Variants in MN1 observed in about 807,000 individuals in gnomAD.
The protein encoded by MN1 is MN1 proto-oncogene, transcriptional regulator, also known as transcriptional activator MN1.
MN1 carries 19 observed loss-of-function variants against 86.9 expected under a neutral mutation model. That is an observed-to-expected ratio of 0.22 (90% confidence interval 0.15 to 0.32). The LOEUF (loss-of-function observed/expected upper bound fraction) is 0.32. MN1 is among the 10% of genes least tolerant of loss of function. MN1 has a pLI of 1.00. For missense variants in MN1, 1,841 were observed against 1,862.0 expected, an observed-to-expected ratio of 0.99 and a Z score of 0.21; for synonymous variants, 928 against 849.6, an observed-to-expected ratio of 1.09 and a Z score of -1.60.
intron 1 of MN1, among the ~76,000 whole-genome samples, chr22:27,762,820 C>G (rs80000945): frequency 2.0e-4 from 30 of 151,952 alleles, no homozygotes; most frequent in South Asian, 2.1e-4. Context: ...AAATAGAGGC[C>G]GAGTGCGGTG....
chr22:27,787,052 G>C (rs1425086072), intron 1 of MN1, among the ~76,000 whole-genome samples: 1 of 152,182 alleles, frequency 6.6e-6, no homozygotes, highest in Non-Finnish European at 1.5e-5. Flanking sequence ...AACTGAACGA[G>C]GCCAAAACTT....
intron 1 of MN1, among the ~76,000 whole-genome samples, chr22:27,771,608 G>A (rs925160887): frequency 2.0e-5 from 3 of 152,088 alleles, no homozygotes. Context: ...CCAAATTTCA[G>A]TGTCCATAAA....
rs867449729 is a variant in MN1 at position 27,750,122 on chromosome 22, C to T, written c.*793G>A. The T allele has an allele frequency of 4.3e-6, 1 of 232,048 alleles. No individual in the cohort carries two copies. The highest frequency in any genetic ancestry group is 1.8e-4 in the South Asian group (1 of 5,522). The allele number at this position is 232,048 out of a possible 1,614,324, so 14.4% of individuals were successfully genotyped here. A position where few individuals can be genotyped will look rare whatever the true frequency, so the allele number is the denominator to read the frequency against. ...AACACTGCTGTCGAACATTCCAACT[C>T]CTTCCCACAGAGCAGAGCTGGACAC... On this transcript the variant is annotated 3_prime_UTR_variant, in exon 2 of 2. Coordinates refer to ENST00000302326, the MANE Select transcript of MN1 (RefSeq NM_002430.3).
chr22:27,776,213 T>C (rs923461577), intron 1 of MN1, among the ~76,000 whole-genome samples: 1 of 152,158 alleles, frequency 6.6e-6, no homozygotes, highest in Non-Finnish European at 1.5e-5. Flanking sequence ...TGGGGGAGGC[T>C]CTGGCTAGAA....
At chr22:27,774,042 G>T (rs903273340) in intron 1 of MN1, among the ~76,000 whole-genome samples, 2 of 152,058 alleles carry the variant, frequency 1.3e-5, no homozygotes, top group Admixed American at 1.3e-4. Flanking sequence ...AGAGCAAACG[G>T]CCCCCTGGAC....
intron 1 of MN1, among the ~76,000 whole-genome samples, chr22:27,763,860 ATGT>A (rs2146297831): frequency 6.6e-6 from 1 of 152,328 alleles, no homozygotes; most frequent in African/African-American, 2.4e-5. Flanking sequence ...AGGCAGGCCC[ATGT>A]TGTGAGATCT....
At position 27,801,127 on chromosome 22, in the gene MN1, G is replaced by T. The variant is rs931401480; in HGVS notation, c.-584C>A. 18 of 221,246 alleles carry T rather than the reference G, an allele frequency of 8.1e-5. No individual in the cohort carries two copies. Among genetic ancestry groups the T allele is most frequent in the African/African-American group, 4.1e-4 (18 of 44,394 alleles). The allele number at this position is 221,246 out of a possible 1,614,324, so 13.7% of individuals were successfully genotyped here. On this transcript the variant is annotated 5_prime_UTR_variant, in exon 1 of 2. Coordinates refer to ENST00000302326, the MANE Select transcript of MN1 (RefSeq NM_002430.3). ...GCGCCCCGCAGCCCGAGCCTCCACC[G>T]AGCACGATCCGCTCGCACAATCCCC...
At chr22:27,773,990 C>T (rs1354954085) in intron 1 of MN1, among the ~76,000 whole-genome samples, 3 of 152,086 alleles carry the variant, frequency 2.0e-5, no homozygotes, top group Non-Finnish European at 4.4e-5. Context: ...TCTCGCCACC[C>T]CCACGGTGCC....
At chr22:27,759,029 T>C (rs1191500209) in intron 1 of MN1, among the ~76,000 whole-genome samples, 1 of 152,098 alleles carries the variant, frequency 6.6e-6, no homozygotes, top group Non-Finnish European at 1.5e-5. Flanking sequence ...GAGTTCACCA[T>C]GTTGCCCAAG....
At chr22:27,774,464 C>T (rs972259523) in intron 1 of MN1, among the ~76,000 whole-genome samples, 4 of 152,242 alleles carry the variant, frequency 2.6e-5, no homozygotes, top group Middle Eastern at 3.2e-3. Context: ...GTCCACCCCA[C>T]GGGTCAGACT....
In MN1 at chr22:27,781,332, C is replaced by A. The variant is rs528957960; in HGVS notation, c.3781+15431G>T. Among the ~76,000 whole-genome samples the A allele has an allele frequency of 1.1e-4, 16 of 152,316 alleles. No individual in the cohort carries two copies. The East Asian group carries it at 1.7e-3, about 17-fold the overall frequency. On this transcript the variant is annotated intron_variant, in intron 1 of 1. Coordinates refer to ENST00000302326, the MANE Select transcript of MN1 (RefSeq NM_002430.3). Reference sequence around the variant, plus strand: ...GGGCCTGGAAAGGAGAGTAGTGAGGCCTGTCCTGTGCATTGTAGGACATTG... The same window carrying A: ...GGGCCTGGAAAGGAGAGTAGTGAGGACTGTCCTGTGCATTGTAGGACATTG...
At chr22:27,771,076 C>T (rs1436409838) in intron 1 of MN1, among the ~76,000 whole-genome samples, 1 of 152,100 alleles carries the variant, frequency 6.6e-6, no homozygotes, top group Non-Finnish European at 1.5e-5. Context: ...GCATTAAGCA[C>T]ACTTCATCTG....
At position 27,750,155 on chromosome 22, in the gene MN1, C is replaced by T. The variant is rs1345594198; in HGVS notation, c.*760G>A. On this transcript the variant is annotated 3_prime_UTR_variant, in exon 2 of 2. Coordinates refer to ENST00000302326, the MANE Select transcript of MN1 (RefSeq NM_002430.3). ...CAGAGCAGAGCTGGACACGTCCTCA[C>T]GTCCATCGCAGAGAGGGGCGGCTTC... 5.6e-5 allele frequency: 13 copies of T among 231,446 alleles called. No individual in the cohort carries two copies. Among genetic ancestry groups the T allele is most frequent in the Admixed American group, 1.7e-4 (3 of 17,716 alleles). 14.3% of individuals were successfully genotyped at this position (231,446 alleles called of 1,614,324 possible).
chr22:27,770,414 C>G (rs5997301), intron 1 of MN1, among the ~76,000 whole-genome samples: 39,557 of 151,264 alleles, frequency 0.26, 6,247 homozygotes, highest in Middle Eastern at 0.39. Flanking sequence ...ACATAAATTT[C>G]TGGAGAGGAC....
chr22:27,784,254 C>A (rs1933091573), intron 1 of MN1, among the ~76,000 whole-genome samples: 1 of 152,186 alleles, frequency 6.6e-6, no homozygotes, highest in Non-Finnish European at 1.5e-5. Context: ...CCAGGCCAGG[C>A]CAGGCCTGAG....
Position 27,749,831 on chromosome 22 carries a change from G to T in MN1, c.*1084C>A, listed in dbSNP as rs1932745534. 4.3e-6 allele frequency: 1 copy of T among 231,284 alleles called. No homozygotes were observed. The allele number at this position is 231,284 out of a possible 1,614,324, so 14.3% of individuals were successfully genotyped here. On this transcript the variant is annotated 3_prime_UTR_variant, in exon 2 of 2. Coordinates refer to ENST00000302326, the MANE Select transcript of MN1 (RefSeq NM_002430.3). The stretch of plus-strand genomic sequence containing the variant: ...CCCAGGGGTGGGGTTGCCCAGGCTG[G>T]ACTGGGGATGGAATGGGAGAGGTGG...
chr22:27,792,007 A>G (rs1933217492), intron 1 of MN1: 1 of 152,546 alleles, frequency 6.6e-6, no homozygotes, highest in Admixed American at 6.5e-5. Flanking sequence ...TGTATATTTT[A>G]TATCAGCACA....
In MN1 at chr22:27,750,895, G is replaced by A; in HGVS notation, c.*20C>T. ...GGGGGAGAGGAAGGGCCTGGTAGAG[G>A]AGGGGATCTTTCTTGTCATTCAAGT... On this transcript the variant is annotated 3_prime_UTR_variant, in exon 2 of 2. Transcript: ENST00000302326. 1 of 1,562,870 alleles carries A rather than the reference G, an allele frequency of 6.4e-7. No individual in the cohort carries two copies.
At chr22:27,779,803 G>T (rs1933026773) in intron 1 of MN1, among the ~76,000 whole-genome samples, 1 of 152,214 alleles carries the variant, frequency 6.6e-6, no homozygotes, top group South Asian at 2.1e-4. Flanking sequence ...CCTCGGGCTG[G>T]CCCCAGCTGG....
Sources: gnomAD v4.1 joint callset for allele counts (sites outside exome capture counted in the v4.1 genomes callset) on GRCh38, gnomAD v4.1.1 for gene constraint, MANE v1.5 for transcripts, NCBI Gene and HGNC (gene_info 2026-07-23, HGNC 2026-07-21) for gene names.